RAB44: variants seen among roughly 807,000 people sequenced by gnomAD.
RAB44 encodes ras-related protein Rab-44.
RAB44 carries 67 observed loss-of-function variants against 93.3 expected under a neutral mutation model. The ratio of observed to expected loss-of-function variants is 0.72; its 90% CI spans 0.59 to 0.88. The LOEUF (loss-of-function observed/expected upper bound fraction) is 0.88, where lower values mean the gene tolerates loss of function less well. Ranked by LOEUF, RAB44 falls within the 40% of genes least tolerant of loss-of-function variation. The probability of loss-of-function intolerance (pLI) is 0.00; values close to 1 mark genes in which losing one functional copy is unlikely to be tolerated. For synonymous variants in RAB44, 427 were observed against 520.3 expected (o/e 0.82, Z 2.44); for missense variants, 1,064 against 1,261.7 (o/e 0.84, Z 2.37).
chr6:36,729,554 C>G (rs192637645), intron 12 of RAB44, among the ~76,000 whole-genome samples: 273 of 150,578 alleles, frequency 1.8e-3, no homozygotes, highest in Non-Finnish European at 3.2e-3. Flanking sequence ...ACGATCTTGG[C>G]TCATTGCAAC....
In RAB44 at chr6:36,731,977, G is replaced by C; in HGVS notation, c.2976-26G>C. 8.1e-7 allele frequency: 1 copy of C among 1,229,202 alleles called. No individual in the cohort carries two copies. Among genetic ancestry groups the C allele is most frequent in the Non-Finnish European group, 1.0e-6 (1 of 984,452 alleles). 76.1% of individuals were successfully genotyped at this position (1,229,202 alleles called of 1,614,324 possible). ...GCTGCCCGTAGGAGGTGAGAGAGAG[G>C]CCTGATGCCTGGCACTGTCACATAG... On this transcript the variant is annotated intron_variant, in intron 13 of 13. Transcript: ENST00000612677. The surrounding 1 kb of genome is among the most constrained non-coding windows in gnomAD (Gnocchi z 4.0).
intron 10 of RAB44, among the ~76,000 whole-genome samples, chr6:36,727,094 C>A (rs1763255440): frequency 6.6e-6 from 1 of 152,122 alleles, no homozygotes; most frequent in South Asian, 2.1e-4. Context: ...AGCCACCGTG[C>A]CCAGCCCGAT....
intron 10 of RAB44, 28 bp from the exon 11 acceptor site, chr6:36,727,549 T>C (rs796446786): frequency 2.0e-6 from 3 of 1,502,476 alleles, no homozygotes; most frequent in South Asian, 2.4e-5. Flanking sequence ...GGATGCCTGG[T>C]GTGGCCTCAT....
intron 2 of RAB44, among the ~76,000 whole-genome samples, chr6:36,710,547 CT>C (rs113911213): frequency 0.19 from 27,232 of 143,738 alleles, 3,992 homozygotes; most frequent in African/African-American, 0.42. Flanking sequence ...TTTTGTACAA[CT>C]TTTTTTTTTT....
chr6:36,709,638 C>T (rs1447305393), intron 2 of RAB44, among the ~76,000 whole-genome samples: 2 of 152,184 alleles, frequency 1.3e-5, no homozygotes, highest in Non-Finnish European at 2.9e-5. Context: ...TCACTGCAAC[C>T]TCCGCCTTCT....
chr6:36,704,505 C>T (rs982255980), intron 2 of RAB44, 63 bp downstream of exon 2: 2 of 1,455,270 alleles, frequency 1.4e-6, no homozygotes, highest in Admixed American at 4.0e-5. Flanking sequence ...CACCCCCTCT[C>T]CCCCATCACA....
chr6:36,709,233 G>A (rs1230019686), intron 2 of RAB44, among the ~76,000 whole-genome samples: 1 of 152,194 alleles, frequency 6.6e-6, no homozygotes, highest in African/African-American at 2.4e-5. Context: ...TTACAGGCAT[G>A]AGCCACTGTG....
intron 3 of RAB44, among the ~76,000 whole-genome samples, chr6:36,715,270 C>T (rs539210696): frequency 3.3e-5 from 5 of 152,256 alleles, no homozygotes; most frequent in South Asian, 4.2e-4. Context: ...AGTCTTTTGG[C>T]GTCTCTGGGC....
At chr6:36,702,599 G>T (rs770147339) in intron 1 of RAB44, among the ~76,000 whole-genome samples, 32 of 152,128 alleles carry the variant, frequency 2.1e-4, no homozygotes, top group Non-Finnish European at 1.6e-4. Context: ...ATTCTGCCTC[G>T]ATTCCTTCAC....
Position 36,721,457 on chromosome 6 carries a change from C to T in RAB44, c.1323C>T (p.Ser441=), listed in dbSNP as rs576253020. The T allele has an allele frequency of 1.5e-4, 185 of 1,234,424 alleles. No individual in the cohort carries two copies. Among genetic ancestry groups the T allele is most frequent in the Middle Eastern group, 6.2e-4 (3 of 4,842 alleles). 76.5% of individuals were successfully genotyped at this position (1,234,424 alleles called of 1,614,324 possible). Residue 441 remains serine, a synonymous_variant, in exon 9 of 14, where the codon AGC becomes AGT. Transcript: ENST00000612677. ...APRTPPGVTF[S]AKDNKGVDPH... ...GGACCCCACCTGGGGTGACTTTCAGCGCCAAGGACAATAAAGGAGTGGACC... is the reference window on the plus strand; with the variant it reads ...GGACCCCACCTGGGGTGACTTTCAGTGCCAAGGACAATAAAGGAGTGGACC...
chr6:36,717,367 C>T lies in RAB44; in HGVS notation c.589C>T (p.Arg197Cys), dbSNP rs1479202141. The change falls in exon 5 of 14, where the codon CGC (arginine) becomes TGC (cysteine). Residue 197 changes from arginine (R) to cysteine (C), a missense_variant. Physicochemically the swap from Arg to Cys is radical, Grantham distance 180 (BLOSUM62 -3). Transcript: ENST00000612677. The surrounding 1 kb of genome is among the most constrained non-coding windows in gnomAD (Gnocchi z 4.1). Reference protein sequence around the residue: ...LAGFLAKMTSRLQEAQADKEA... With the variant: ...LAGFLAKMTSCLQEAQADKEA... ...AGGCTTTCTGGCCAAGATGACCAGC[C>T]GCCTGCAGGAGGCCCAGGCGGACAA... is the stretch of plus-strand genomic sequence containing the variant. 4.1e-5 allele frequency: 50 copies of T among 1,232,066 alleles called. No individual in the cohort carries two copies. Among genetic ancestry groups the T allele is most frequent in the South Asian group, 1.2e-4 (3 of 24,320 alleles). The allele number at this position is 1,232,066 out of a possible 1,614,324, so 76.3% of individuals were successfully genotyped here.
intron 11 of RAB44, 85 bp from the exon 12 acceptor site, chr6:36,728,615 G>C (rs552159756): frequency 3.7e-6 from 4 of 1,067,092 alleles, no homozygotes; most frequent in Non-Finnish European, 5.6e-6. Context: ...ACATGCGGGG[G>C]ACACAGTTCA....
At chr6:36,727,805 T>C in intron 11 of RAB44, 114 bp downstream of exon 11, 1 of 729,774 alleles carries the variant, frequency 1.4e-6, no homozygotes, top group Admixed American at 2.1e-5. Flanking sequence ...GACATATGGG[T>C]GACACCACCC....
intron 2 of RAB44, among the ~76,000 whole-genome samples, chr6:36,708,392 T>C (rs891992110): frequency 6.6e-6 from 1 of 152,156 alleles, no homozygotes; most frequent in African/African-American, 2.4e-5. Context: ...CATGATGATC[T>C]TGTAATAGTG....
At chr6:36,730,962 C>T (rs147186615) in intron 13 of RAB44, among the ~76,000 whole-genome samples, 489 of 152,140 alleles carry the variant, frequency 3.2e-3, no homozygotes, top group African/African-American at 0.011. Context: ...CTGCCCTTCC[C>T]GTTCGCTGAA....
In RAB44 at chr6:36,721,373, G is replaced by A. The variant is rs776981586; in HGVS notation, c.1239G>A (p.Ser413=). 2.4e-5 allele frequency: 30 copies of A among 1,233,736 alleles called. No individual in the cohort carries two copies. The highest frequency in any genetic ancestry group is 6.3e-5 in the East Asian group (2 of 31,664). The allele number at this position is 1,233,736 out of a possible 1,614,324, so 76.4% of individuals were successfully genotyped here. Residue 413 remains serine, a synonymous_variant, in exon 9 of 14, where the codon TCG becomes TCA. Coordinates refer to ENST00000612677, the MANE Select transcript of RAB44 (RefSeq NM_001257357.2). ...TPRVVRQISI[S]EPQAFLFGQE... ...GTGTGGTCAGGCAGATCTCCATCTC[G>A]GAGCCACAGGCTTTTCTATTTGGTC... is the stretch of plus-strand genomic sequence containing the variant.
At chr6:36,708,003 A>G (rs1301536400) in intron 2 of RAB44, among the ~76,000 whole-genome samples, 1 of 152,186 alleles carries the variant, frequency 6.6e-6, no homozygotes, top group Non-Finnish European at 1.5e-5. Flanking sequence ...TTGAGCCCAG[A>G]AATTCAAGAC....
chr6:36,726,032 G>GTTGCCTCCTGCCTGT, intron 10 of RAB44, 89 bp downstream of exon 10: 6 of 986,676 alleles, frequency 6.1e-6, no homozygotes, highest in Non-Finnish European at 6.2e-6. Flanking sequence ...AACACAGGCA[G>GTTGCCTCCTGCCTGT]GAGGCAACTG....
In RAB44 at chr6:36,717,927, C is replaced by T; in HGVS notation, c.642-101C>T. ...GTGACTGCTGGCAGAGTGAGGAAAG[C>T]AATAGGATGGATTCCAAACCCAAGC... On this transcript the variant is annotated intron_variant, in intron 5 of 13. Coordinates refer to ENST00000612677, the MANE Select transcript of RAB44 (RefSeq NM_001257357.2). This position sits in a 1 kb window ranked among gnomAD's most constrained non-coding sequence, Gnocchi z 4.1. The T allele has an allele frequency of 1.7e-6, 1 of 582,036 alleles. No individual in the cohort carries two copies. Among genetic ancestry groups the T allele is most frequent in the African/African-American group, 1.9e-5 (1 of 51,962 alleles). The allele number at this position is 582,036 out of a possible 1,614,324, so 36.1% of individuals were successfully genotyped here. A position where few individuals can be genotyped will look rare whatever the true frequency, so the allele number is the denominator to read the frequency against.
Sources: allele counts gnomAD v4.1 joint callset (sites outside exome capture counted in the v4.1 genomes callset), GRCh38; gene constraint gnomAD v4.1.1; non-coding constraint Gnocchi (gnomAD v3.1); transcripts MANE v1.5; gene names NCBI Gene and HGNC (gene_info 2026-07-23, HGNC 2026-07-21).